Variants in PNLIPRP3 observed in about 807,000 individuals in gnomAD.
PNLIPRP3 encodes the protein pancreatic lipase related protein 3.
In PNLIPRP3, 58 loss-of-function variants were observed where a neutral mutation model predicts 52.8. That is an observed-to-expected ratio of 1.10 (90% CI 0.89 to 1.37). The LOEUF (loss-of-function observed/expected upper bound fraction) is 1.37, where lower values mean the gene tolerates loss of function less well. PNLIPRP3 is among the 40% of genes most tolerant of loss of function. PNLIPRP3 has a pLI of 0.00. For synonymous variants in PNLIPRP3, 192 were observed against 185.0 expected (o/e 1.04, Z -0.31); for missense variants, 593 against 561.6 (o/e 1.06, Z -0.57).
chr10:116,469,987 T>C (rs1243063671), intron 9 of PNLIPRP3, among the ~76,000 whole-genome samples: 1 of 118,954 alleles, frequency 8.4e-6, no homozygotes. Flanking sequence ...AAAAAAAAAA[T>C]AGAAGTAGAG....
chr10:116,441,424 G>A (rs560824235), intron 2 of PNLIPRP3, among the ~76,000 whole-genome samples: 6 of 152,112 alleles, frequency 3.9e-5, no homozygotes, highest in Admixed American at 2.6e-4. Flanking sequence ...CCCTCCAAAA[G>A]GTTTTTCAGA....
At chr10:116,469,733 G>C (rs1426759678) in intron 9 of PNLIPRP3, among the ~76,000 whole-genome samples, 1 of 152,168 alleles carries the variant, frequency 6.6e-6, no homozygotes, top group South Asian at 2.1e-4. Flanking sequence ...AGACTGGGAG[G>C]ACAGTGATAG....
At chr10:116,430,099 T>C (rs1005040760) in intron 1 of PNLIPRP3, among the ~76,000 whole-genome samples, 34 of 152,292 alleles carry the variant, frequency 2.2e-4, no homozygotes, top group African/African-American at 7.9e-4. Context: ...GGAGTCTTAA[T>C]AGGATGAAGG....
intron 10 of PNLIPRP3, among the ~76,000 whole-genome samples, chr10:116,474,475 G>A (rs7916123): frequency 0.13 from 20,138 of 152,048 alleles, 1,949 homozygotes; most frequent in African/African-American, 0.26. Flanking sequence ...AAAGAGCTTC[G>A]ACACAGCAAA....
At chr10:116,475,491 C>A (rs1301524131) in intron 10 of PNLIPRP3, among the ~76,000 whole-genome samples, 1 of 152,086 alleles carries the variant, frequency 6.6e-6, no homozygotes, top group Non-Finnish European at 1.5e-5. Context: ...TAAAGGGCTG[C>A]AATGTATGGG....
At chr10:116,466,253 A>C in intron 8 of PNLIPRP3, 85 bp downstream of exon 8, 1 of 990,186 alleles carries the variant, frequency 1.0e-6, no homozygotes, top group Non-Finnish European at 1.5e-6. Context: ...GGCTTTGTGT[A>C]GGTAGCAAAA....
chr10:116,469,200 T>G lies in PNLIPRP3; in HGVS notation c.943T>G (p.Cys315Gly). 6.2e-7 allele frequency: 1 copy of G among 1,611,224 alleles called. No individual in the cohort carries two copies. The highest frequency in any genetic ancestry group is 8.5e-7 in the Non-Finnish European group (1 of 1,179,220). The change falls in exon 9 of 12, where the codon TGT becomes GGT. Residue 315 changes from cysteine (C) to glycine (G), a missense_variant. Cys to Gly is a radical substitution (Grantham distance 159). Coordinates refer to ENST00000369230, the MANE Select transcript of PNLIPRP3 (RefSeq NM_001011709.3). ...TSFKAGNCFF[C>G]SKEGCPTMGH... ...CTGTCATCAGGGAAATTGCTTCTTT[T>G]GTTCCAAAGAAGGTTGCCCAACAAT...
Position 116,476,714 on chromosome 10 carries a change from A to G in PNLIPRP3, c.1235A>G (p.Asn412Ser), listed in dbSNP as rs758936524. The G allele has an allele frequency of 6.7e-5, 107 of 1,605,142 alleles. No individual in the cohort carries two copies. Among genetic ancestry groups the G allele is most frequent in the Admixed American group, 3.3e-4 (19 of 57,632 alleles). Residue 412 changes from asparagine to serine, a missense_variant, in exon 11 of 12, where the codon AAC (asparagine) becomes AGC (serine). Transcript: ENST00000369230. The part of the protein sequence containing the change: ...KLIDADVNVG[N>S]ITSVQFIWKK... ...ATCGATGCAGATGTTAACGTTGGAA[A>G]CATTACAAGTGTTCAGTTCATCTGG... is the stretch of plus-strand genomic sequence containing the variant.
chr10:116,447,050 T>C (rs1455386462), intron 4 of PNLIPRP3, among the ~76,000 whole-genome samples: 2 of 152,194 alleles, frequency 1.3e-5, no homozygotes, highest in Non-Finnish European at 2.9e-5. Flanking sequence ...GCAGTCACTA[T>C]AGCCCCTTCC....
At chr10:116,452,232 T>C (rs944046852) in intron 4 of PNLIPRP3, among the ~76,000 whole-genome samples, 26 of 152,142 alleles carry the variant, frequency 1.7e-4, no homozygotes, top group Non-Finnish European at 3.1e-4. Flanking sequence ...AGCAAAGCAT[T>C]CAAGATATGA....
chr10:116,466,109 A>C lies in PNLIPRP3; in HGVS notation c.868A>C (p.Ile290Leu). ...ARSYQFYAESILNPDAFIAYP... is the reference protein window; with the variant it reads ...ARSYQFYAESLLNPDAFIAYP... ...AAGTTATCAATTTTATGCTGAAAGC[A>C]TTCTTAATCCTGATGCATTTATTGC... Residue 290 changes from isoleucine (I) to leucine (L), a missense_variant, in exon 8 of 12, where the codon ATT (isoleucine) becomes CTT (leucine). Coordinates refer to ENST00000369230, the MANE Select transcript of PNLIPRP3 (RefSeq NM_001011709.3). 1 of 1,613,902 alleles carries C rather than the reference A, an allele frequency of 6.2e-7. No homozygotes were observed. The highest frequency in any genetic ancestry group is 1.7e-4 in the Middle Eastern group (1 of 6,060).
At chr10:116,439,642 C>T (rs4751964) in intron 2 of PNLIPRP3, 16,444 of 762,582 alleles carry the variant, frequency 0.022, 231 homozygotes, top group African/African-American at 0.033. Flanking sequence ...TTTTTCGCTG[C>T]CATTTAAGTT....
At chr10:116,457,158 CT>C (rs1301265145) in intron 5 of PNLIPRP3, among the ~76,000 whole-genome samples, 1 of 152,192 alleles carries the variant, frequency 6.6e-6, no homozygotes, top group Admixed American at 6.5e-5. Flanking sequence ...GGAATTAATT[CT>C]CTGTGCTTCT....
chr10:116,468,239 A>G (rs1256215047), intron 8 of PNLIPRP3, among the ~76,000 whole-genome samples: 1 of 151,808 alleles, frequency 6.6e-6, no homozygotes, highest in East Asian at 1.9e-4. Context: ...AAGTGAAATT[A>G]TCAAAGCATA....
At chr10:116,452,432 GA>G (rs1272046920) in intron 4 of PNLIPRP3, among the ~76,000 whole-genome samples, 2 of 152,236 alleles carry the variant, frequency 1.3e-5, no homozygotes, top group African/African-American at 4.8e-5. Flanking sequence ...CCATTTGCTA[GA>G]GAGATTAGCA....
chr10:116,444,648 ATGGC>A, intron 4 of PNLIPRP3, 135 bp downstream of exon 4: 1 of 890,354 alleles, frequency 1.1e-6, no homozygotes, highest in Admixed American at 2.7e-5. Flanking sequence ...GCATTTGTAT[ATGGC>A]AGACAAAAAA....
At chr10:116,435,759 T>G (rs914083548) in intron 1 of PNLIPRP3, among the ~76,000 whole-genome samples, 4 of 152,232 alleles carry the variant, frequency 2.6e-5, no homozygotes, top group African/African-American at 9.6e-5. Context: ...CTTTGCCTAT[T>G]TTAAAATTTA....
Position 116,436,866 on chromosome 10 carries a change from G to A in PNLIPRP3, c.204+1G>A. 1.9e-6 allele frequency: 3 copies of A among 1,579,206 alleles called. No homozygotes were observed. Among genetic ancestry groups the A allele is most frequent in the Non-Finnish European group, 2.6e-6 (3 of 1,159,562 alleles). ...TATACACAATCCCAATGCCTATCAG[G>A]TAAGCTAACTTGCAGCCTTCACACA... On this transcript the variant is annotated splice_donor_variant, in intron 2 of 11. Coordinates refer to ENST00000369230, the MANE Select transcript of PNLIPRP3 (RefSeq NM_001011709.3). LOFTEE classifies it high-confidence loss of function.
intron 7 of PNLIPRP3, among the ~76,000 whole-genome samples, chr10:116,464,652 G>A (rs747660739): frequency 1.3e-5 from 2 of 152,228 alleles, no homozygotes; most frequent in African/African-American, 4.8e-5. Flanking sequence ...CGAGGGAAAT[G>A]TGGTGGTGCC....
Sources: allele counts gnomAD v4.1 joint callset (sites outside exome capture counted in the v4.1 genomes callset), GRCh38; gene constraint gnomAD v4.1.1; transcripts MANE v1.5; gene names NCBI Gene and HGNC (gene_info 2026-07-23, HGNC 2026-07-21).